ZNRF3: variants seen among roughly 807,000 people sequenced by gnomAD.
ZNRF3 encodes zinc and ring finger 3, also known as E3 ubiquitin-protein ligase ZNRF3.
ZNRF3 carries 23 observed loss-of-function variants against 72.5 expected under a neutral mutation model. The ratio of observed to expected loss-of-function variants is 0.32; its 90% CI spans 0.23 to 0.45. ZNRF3 has a LOEUF of 0.45. ZNRF3 is among the 20% of genes least tolerant of loss of function. The pLI, the probability that ZNRF3 is intolerant of heterozygous loss-of-function variation, is 1.00. For missense variants in ZNRF3, 1,169 were observed against 1,272.1 expected (o/e 0.92, Z 1.23); for synonymous variants, 610 against 545.3 (o/e 1.12, Z -1.65).
At chr22:28,983,053 T>A (rs1307239316) in intron 1 of ZNRF3, among the ~76,000 whole-genome samples, 1 of 152,154 alleles carries the variant, frequency 6.6e-6, no homozygotes, top group East Asian at 1.9e-4. Flanking sequence ...TGAGATGTGA[T>A]CTCAGTGGCT....
intron 1 of ZNRF3, among the ~76,000 whole-genome samples, chr22:28,909,326 A>G (rs1263727486): frequency 6.6e-6 from 1 of 152,152 alleles, no homozygotes; most frequent in African/African-American, 2.4e-5. Flanking sequence ...GGGAATGGAC[A>G]GCAACTTGGG....
intron 1 of ZNRF3, among the ~76,000 whole-genome samples, chr22:28,948,400 A>C (rs921580995): frequency 3.5e-5 from 5 of 144,752 alleles, no homozygotes; most frequent in Admixed American, 3.4e-4. Context: ...TCTTGGCTTC[A>C]AGTGATCCTC....
intron 2 of ZNRF3, among the ~76,000 whole-genome samples, chr22:29,010,165 G>A (rs532345464): frequency 1.3e-5 from 2 of 151,888 alleles, no homozygotes; most frequent in South Asian, 2.1e-4. Flanking sequence ...CGCCTCGGCC[G>A]CCCAAAGTGC....
chr22:28,954,040 AG>A (rs772265284), intron 1 of ZNRF3, among the ~76,000 whole-genome samples: 2 of 152,194 alleles, frequency 1.3e-5, no homozygotes, highest in Non-Finnish European at 2.9e-5. Flanking sequence ...TAAAGCACCT[AG>A]GACAGGGCCT....
At chr22:28,915,653 A>G (rs2034394076) in intron 1 of ZNRF3, among the ~76,000 whole-genome samples, 1 of 152,222 alleles carries the variant, frequency 6.6e-6, no homozygotes, top group Non-Finnish European at 1.5e-5. Context: ...TTTTGGAAGG[A>G]CAAAGTGGAA....
At position 29,056,381 on chromosome 22, in the gene ZNRF3, G is replaced by T. The variant is rs1355878175; in HGVS notation, c.*2759G>T. 2 of 152,222 alleles carry T rather than the reference G, an allele frequency of 1.3e-5. No homozygotes were observed. The highest frequency in any genetic ancestry group is 4.8e-5 in the African/African-American group (2 of 41,438). 9.4% of individuals were successfully genotyped at this position (152,222 alleles called of 1,614,324 possible). On this transcript the variant is annotated 3_prime_UTR_variant, in exon 9 of 9. Transcript: ENST00000544604. ...CTCCCAAAGTGCTGGGATTACAGGC[G>T]TGAGCCACCATGCCTGCCCAGCAAT...
Position 29,050,417 on chromosome 22 carries a change from G to T in ZNRF3, c.2236G>T (p.Ala746Ser), listed in dbSNP as rs1260093942. The T allele has an allele frequency of 1.2e-6, 2 of 1,607,490 alleles. No homozygotes were observed. The highest frequency in any genetic ancestry group is 2.2e-5 in the South Asian group (2 of 90,902). Reference sequence around the variant, plus strand: ...CCACCTCTACGAGGGCTCTGGCCCGGCGGGTGGGGAGCCCCAGTCAGGAAG... The same window carrying T: ...CCACCTCTACGAGGGCTCTGGCCCGTCGGGTGGGGAGCCCCAGTCAGGAAG... ...GPHLYEGSGPAGGEPQSGSSQ... is the reference protein window; with the variant it reads ...GPHLYEGSGPSGGEPQSGSSQ... The change falls in exon 8 of 9, where the codon GCG (alanine) becomes TCG (serine). Residue 746 changes from alanine (A) to serine (S), a missense_variant. Ala to Ser is a moderately conservative substitution (Grantham distance 99). Coordinates refer to ENST00000544604, the MANE Select transcript of ZNRF3 (RefSeq NM_001206998.2).
chr22:28,948,144 C>T (rs915047822), intron 1 of ZNRF3, among the ~76,000 whole-genome samples: 1 of 145,586 alleles, frequency 6.9e-6, no homozygotes, highest in African/African-American at 2.6e-5. Context: ...CGCCTGGCTA[C>T]AAATAACGTT....
rs111991733 is a variant in ZNRF3 at position 28,999,890 on chromosome 22, G to T, written c.426+12689G>T. 1.5e-3 allele frequency among the ~76,000 whole-genome samples: 231 copies of T among 152,300 alleles called. 1 individual carries two copies. The highest frequency in any genetic ancestry group is 5.1e-3 in the African/African-American group (213 of 41,564). On this transcript the variant is annotated intron_variant, in intron 2 of 8. Transcript: ENST00000544604. ...ATGTAGAGACAGAAGGAAAGGGGACGGCAGAGAAAGCTTGTCTGTGAGCCT... is the reference window on the plus strand; with the variant it reads ...ATGTAGAGACAGAAGGAAAGGGGACTGCAGAGAAAGCTTGTCTGTGAGCCT...
chr22:28,894,722 G>T (rs1030294942), intron 1 of ZNRF3, among the ~76,000 whole-genome samples: 4 of 152,186 alleles, frequency 2.6e-5, no homozygotes, highest in African/African-American at 9.7e-5. Context: ...GTCAGTTGGT[G>T]GTGGGCAGAG....
intron 1 of ZNRF3, among the ~76,000 whole-genome samples, chr22:28,962,231 T>TATAGAAACAGAACATC (rs2035374640): frequency 6.6e-6 from 1 of 152,124 alleles, no homozygotes; most frequent in Non-Finnish European, 1.5e-5. Context: ...AACAGAACAT[T>TATAGAAACAGAACATC]GCCATTATTG....
intron 2 of ZNRF3, among the ~76,000 whole-genome samples, chr22:29,013,592 G>A (rs1168901763): frequency 6.6e-6 from 1 of 152,102 alleles, no homozygotes; most frequent in Admixed American, 6.5e-5. Flanking sequence ...GAAAATCTTT[G>A]CCAAGTTACA....
At chr22:28,934,965 G>A (rs1489397092) in intron 1 of ZNRF3, among the ~76,000 whole-genome samples, 1 of 151,918 alleles carries the variant, frequency 6.6e-6, no homozygotes, top group Non-Finnish European at 1.5e-5. Context: ...TGCATAAATG[G>A]GATTATCCTA....
chr22:28,936,920 A>G (rs1370365517), intron 1 of ZNRF3, among the ~76,000 whole-genome samples: 16 of 152,074 alleles, frequency 1.1e-4, no homozygotes, highest in Admixed American at 1.0e-3. Flanking sequence ...TACCTGGACC[A>G]TGGAACGGGA....
At chr22:29,021,165 C>T (rs1470962525) in intron 2 of ZNRF3, among the ~76,000 whole-genome samples, 2 of 151,578 alleles carry the variant, frequency 1.3e-5, no homozygotes, top group Non-Finnish European at 2.9e-5. Flanking sequence ...ACCCAGGAGG[C>T]GGAGGTTGCA....
chr22:29,021,221 A>G (rs2036532685), intron 2 of ZNRF3, among the ~76,000 whole-genome samples: 1 of 152,028 alleles, frequency 6.6e-6, no homozygotes, highest in Non-Finnish European at 1.5e-5. Flanking sequence ...GAAACGAGCG[A>G]AACTCTGTCT....
Position 29,049,780 on chromosome 22 carries a change from C to T in ZNRF3, c.1599C>T (p.His533=), listed in dbSNP as rs1358459195. The change falls in exon 8 of 9, where the codon CAC becomes CAT. Residue 533 remains histidine, a synonymous_variant. Coordinates refer to ENST00000544604, the MANE Select transcript of ZNRF3 (RefSeq NM_001206998.2). This position sits in a 1 kb window ranked among gnomAD's most constrained non-coding sequence, Gnocchi z 5.2. The part of the protein sequence containing the change: ...SGSTSSFSCY[H]GHRSVCSGYL... ...GCACGTCCAGCTTCAGCTGCTATCACGGCCACCGCTCGGTGTGCAGTGGCT... is the reference window on the plus strand; with the variant it reads ...GCACGTCCAGCTTCAGCTGCTATCATGGCCACCGCTCGGTGTGCAGTGGCT... 7 of 1,599,402 alleles carry T rather than the reference C, an allele frequency of 4.4e-6. No homozygotes were observed. The highest frequency in any genetic ancestry group is 2.2e-5 in the East Asian group (1 of 44,606).
At chr22:28,946,773 G>A (rs1297264184) in intron 1 of ZNRF3, among the ~76,000 whole-genome samples, 2 of 152,176 alleles carry the variant, frequency 1.3e-5, no homozygotes, top group Non-Finnish European at 2.9e-5. Context: ...TTTCATTTGT[G>A]TTTGGCAGTA....
At chr22:28,893,709 G>T (rs1419487758) in intron 1 of ZNRF3, among the ~76,000 whole-genome samples, 1 of 152,140 alleles carries the variant, frequency 6.6e-6, no homozygotes, top group Non-Finnish European at 1.5e-5. Context: ...TGTTGCTCAG[G>T]CTGGTCTTGA....
Sources: gnomAD v4.1 joint callset for allele counts (sites outside exome capture counted in the v4.1 genomes callset) on GRCh38, gnomAD v4.1.1 for gene constraint, Gnocchi (gnomAD v3.1) non-coding constraint, MANE v1.5 for transcripts, NCBI Gene and HGNC (gene_info 2026-07-23, HGNC 2026-07-21) for gene names.